The following COL28A1 variants were observed in gnomAD, a reference collection of about 807,000 sequenced individuals.
The protein encoded by COL28A1 is collagen alpha-1(XXVIII) chain.
A neutral mutation model predicts 150.2 loss-of-function variants in COL28A1; 161 were observed. The observed-to-expected ratio is 1.07, with a 90% CI of 0.94 to 1.22. COL28A1 has a LOEUF of 1.22. Among genes scored for constraint, COL28A1 ranks in the 50% most tolerant of loss-of-function variants. The pLI is 0.00. For missense variants in COL28A1, 1,617 were observed against 1,388.3 expected (o/e 1.16, Z -2.62); for synonymous variants, 552 against 469.7 (o/e 1.18, Z -2.26).
the COL28A1 span, among the ~76,000 whole-genome samples, chr7:7,347,298 C>T: frequency 6.6e-6 from 1 of 152,084 alleles, no homozygotes; most frequent in Non-Finnish European, 1.5e-5. Flanking sequence ...CAAATCAATT[C>T]TTTCCCAGTG....
At chr7:7,392,443 T>C (rs993973285) in intron 27 of COL28A1, among the ~76,000 whole-genome samples, 1 of 152,202 alleles carries the variant, frequency 6.6e-6, no homozygotes, top group Admixed American at 6.5e-5. Context: ...AATCTGACTA[T>C]TATGTGCCTT....
At chr7:7,423,253 G>A (rs1028508473) in intron 25 of COL28A1, among the ~76,000 whole-genome samples, 2 of 152,186 alleles carry the variant, frequency 1.3e-5, no homozygotes, top group Non-Finnish European at 2.9e-5. Flanking sequence ...GATCAACTAT[G>A]TGTTGATAAT....
At position 7,512,296 on chromosome 7, in the gene COL28A1, C is replaced by T. The variant is rs531773896; in HGVS notation, c.883-1161G>A. On this transcript the variant is annotated intron_variant, in intron 8 of 34. Coordinates refer to ENST00000399429, the MANE Select transcript of COL28A1 (RefSeq NM_001037763.3). ...AGTTCAAGAGATCTATTGTTCAACA[C>T]GATGACTATCATTAATAACAATGTC... 2.2e-4 allele frequency among the ~76,000 whole-genome samples: 34 copies of T among 152,196 alleles called. No homozygotes were observed. The South Asian group carries it at 2.5e-3, about 11-fold the overall frequency.
chr7:7,359,043 C>T (rs1447056521), intron 34 of COL28A1, among the ~76,000 whole-genome samples: 1 of 152,108 alleles, frequency 6.6e-6, no homozygotes, highest in Non-Finnish European at 1.5e-5. Context: ...TTTTGATCCT[C>T]ATGAAACCAC....
chr7:7,348,070 G>A, the COL28A1 span, among the ~76,000 whole-genome samples: 1 of 152,056 alleles, frequency 6.6e-6, no homozygotes, highest in East Asian at 1.9e-4. Context: ...GGAGGAAATA[G>A]ATTTGAGAGA....
At chr7:7,348,597 A>T in the COL28A1 span, among the ~76,000 whole-genome samples, 2 of 151,998 alleles carry the variant, frequency 1.3e-5, no homozygotes, top group Non-Finnish European at 2.9e-5. Context: ...AAGTTTTGAC[A>T]TGTATATATC....
At chr7:7,499,424 A>C (rs1170669326) in intron 11 of COL28A1, among the ~76,000 whole-genome samples, 1 of 152,236 alleles carries the variant, frequency 6.6e-6, no homozygotes, top group Non-Finnish European at 1.5e-5. Flanking sequence ...CCTACACTTA[A>C]AATAGTTTAT....
At chr7:7,353,858 A>C (rs1376058397), downstream of COL28A1, among the ~76,000 whole-genome samples, 4 of 152,164 alleles carry the variant, frequency 2.6e-5, no homozygotes, top group African/African-American at 9.7e-5. Context: ...CTACTTTCCA[A>C]CAACAATATA....
intron 25 of COL28A1, among the ~76,000 whole-genome samples, chr7:7,429,737 C>T (rs1299399882): frequency 6.6e-6 from 1 of 152,098 alleles, no homozygotes; most frequent in Non-Finnish European, 1.5e-5. Context: ...TGGGAAGAGA[C>T]AAGAAGCAAT....
chr7:7,393,042 G>A (rs890639533), intron 27 of COL28A1, among the ~76,000 whole-genome samples: 4 of 152,114 alleles, frequency 2.6e-5, no homozygotes, highest in Non-Finnish European at 5.9e-5. Context: ...TGATCCTTTG[G>A]AGGAGAAGAG....
At chr7:7,403,060 A>G (rs1430746153) in intron 27 of COL28A1, among the ~76,000 whole-genome samples, 1 of 152,294 alleles carries the variant, frequency 6.6e-6, no homozygotes, top group East Asian at 1.9e-4. Flanking sequence ...GAGAAGTGCT[A>G]TGATGTGGAC....
chr7:7,477,960 A>G (rs1015329315), intron 13 of COL28A1, among the ~76,000 whole-genome samples: 1 of 151,992 alleles, frequency 6.6e-6, no homozygotes, highest in Non-Finnish European at 1.5e-5. Context: ...CTAGACACCA[A>G]AGTTCTTCAC....
intron 11 of COL28A1, among the ~76,000 whole-genome samples, chr7:7,494,242 T>G (rs748115522): frequency 6.6e-6 from 1 of 152,298 alleles, no homozygotes; most frequent in Middle Eastern, 3.4e-3. Context: ...CTAACAATCA[T>G]AGGAAATAGA....
chr7:7,382,451 C>T (rs1325516960), intron 27 of COL28A1, among the ~76,000 whole-genome samples: 1 of 152,094 alleles, frequency 6.6e-6, no homozygotes, highest in Non-Finnish European at 1.5e-5. Flanking sequence ...TTTGTAGCAA[C>T]ATTCAGGACT....
chr7:7,427,639 T>C (rs946639831), intron 25 of COL28A1, among the ~76,000 whole-genome samples: 2 of 152,220 alleles, frequency 1.3e-5, no homozygotes, highest in African/African-American at 4.8e-5. Context: ...TGATACTCAG[T>C]GGAATTCCAC....
intron 15 of COL28A1, among the ~76,000 whole-genome samples, chr7:7,457,137 T>G (rs1419655326): frequency 6.6e-6 from 1 of 152,164 alleles, no homozygotes; most frequent in East Asian, 1.9e-4. Flanking sequence ...GTGGGGCCTT[T>G]GAGGCCACTG....
At chr7:7,507,028 T>G in intron 10 of COL28A1, 89 bp downstream of exon 10, 1 of 713,334 alleles carries the variant, frequency 1.4e-6, no homozygotes, top group Non-Finnish European at 2.5e-6. Context: ...CTGATTTAAC[T>G]GGCAGAGGGT....
chr7:7,480,173 T>C (rs957582664), intron 13 of COL28A1, among the ~76,000 whole-genome samples: 3 of 152,246 alleles, frequency 2.0e-5, no homozygotes, highest in African/African-American at 7.2e-5. Context: ...CATCAGTGAC[T>C]GATCATAGTT....
chr7:7,384,672 G>A (rs1782078746), intron 27 of COL28A1, among the ~76,000 whole-genome samples: 1 of 152,150 alleles, frequency 6.6e-6, no homozygotes. Context: ...CATCCACTGG[G>A]AATATCGGAA....
Sources: gnomAD v4.1 joint callset for allele counts (sites outside exome capture counted in the v4.1 genomes callset) on GRCh38, gnomAD v4.1.1 for gene constraint, MANE v1.5 for transcripts, NCBI Gene and HGNC (gene_info 2026-07-23, HGNC 2026-07-21) for gene names.